RASSF3: variants seen among roughly 807,000 people sequenced by gnomAD.
The protein encoded by RASSF3 is ras association domain-containing protein 3.
In RASSF3, 19 loss-of-function variants were observed where a neutral mutation model predicts 19.9. The ratio of observed to expected loss-of-function variants is 0.96; its 90% CI spans 0.67 to 1.40. RASSF3 has a LOEUF of 1.40. Among genes scored for constraint, RASSF3 ranks in the 40% most tolerant of loss-of-function variants. The pLI is 0.00. For synonymous variants in RASSF3, 110 were observed against 104.2 expected, an observed-to-expected ratio of 1.06 and a Z score of -0.34; for missense variants, 306 against 289.8, an observed-to-expected ratio of 1.06 and a Z score of -0.41.
At chr12:64,602,164 T>TGGTG in intron 2 of RASSF3, among the ~76,000 whole-genome samples, 1 of 150,620 alleles carries the variant, frequency 6.6e-6, no homozygotes, top group Admixed American at 6.6e-5. Context: ...AGGCCAGGTG[T>TGGTG]GGTGGCTCAC....
At chr12:64,578,351 T>C (rs1244979283) in intron 2 of RASSF3, among the ~76,000 whole-genome samples, 1 of 151,794 alleles carries the variant, frequency 6.6e-6, no homozygotes, top group Non-Finnish European at 1.5e-5. Context: ...AGGTTATTGT[T>C]ATCATTTTAA....
At chr12:64,507,952 G>T (rs1473378579) in intron 1 of RASSF3, among the ~76,000 whole-genome samples, 1 of 152,126 alleles carries the variant, frequency 6.6e-6, no homozygotes, top group Non-Finnish European at 1.5e-5. Context: ...TCCAAGTCTG[G>T]TATCTGAAGT....
chr12:64,626,990 G>C (rs1338086873), intron 1 of RASSF3, among the ~76,000 whole-genome samples: 1 of 152,210 alleles, frequency 6.6e-6, no homozygotes. Context: ...AGCTCTGGGA[G>C]CTTGAGCAGG....
chr12:64,671,285 T>G (rs1232840716), intron 1 of RASSF3, among the ~76,000 whole-genome samples: 1 of 152,164 alleles, frequency 6.6e-6, no homozygotes, highest in Non-Finnish European at 1.5e-5. Flanking sequence ...CGAAGACTGA[T>G]CGGGGCTGGT....
intron 2 of RASSF3, among the ~76,000 whole-genome samples, chr12:64,605,312 G>C (rs767697206): frequency 2.6e-5 from 4 of 151,982 alleles, no homozygotes; most frequent in Non-Finnish European, 5.9e-5. Flanking sequence ...AGAAATTTTA[G>C]AACATATTTT....
At chr12:64,527,962 T>TA (rs1455164916) in intron 1 of RASSF3, among the ~76,000 whole-genome samples, 1 of 145,490 alleles carries the variant, frequency 6.9e-6, no homozygotes, top group African/African-American at 2.6e-5. Context: ...ATTTAAATTT[T>TA]AAAAAATTGA....
Position 64,656,428 on chromosome 12 carries a change from A to T in RASSF3, c.112-28359A>T, listed in dbSNP as rs1872161998. Reference sequence around the variant, plus strand: ...AATTGTATACTTATGGGTGAATTTTATGTTATGTGAGTTATATCTCAGTGA... The same window carrying T: ...AATTGTATACTTATGGGTGAATTTTTTGTTATGTGAGTTATATCTCAGTGA... On this transcript the variant is annotated intron_variant, in intron 1 of 4. Transcript: ENST00000542104. Among the ~76,000 whole-genome samples the T allele has an allele frequency of 2.0e-5, 3 of 152,160 alleles. No individual in the cohort carries two copies. In the South Asian group the frequency reaches 6.2e-4, roughly 31 times the overall value.
chr12:64,614,530 AT>A (rs988690735), intron 1 of RASSF3, among the ~76,000 whole-genome samples: 1 of 152,142 alleles, frequency 6.6e-6, no homozygotes, highest in Non-Finnish European at 1.5e-5. Context: ...TAGTGATTGT[AT>A]AAGGCCCACA....
chr12:64,563,785 T>G (rs1019161734), intron 2 of RASSF3, among the ~76,000 whole-genome samples: 1 of 152,236 alleles, frequency 6.6e-6, no homozygotes, highest in South Asian at 2.1e-4. Context: ...CATCTCTCAA[T>G]GAGGCCTTCC....
At chr12:64,529,456 T>C (rs1048338801), upstream of RASSF3, among the ~76,000 whole-genome samples, 2 of 152,168 alleles carry the variant, frequency 1.3e-5, no homozygotes, top group African/African-American at 4.8e-5. Context: ...TGTAAGTCCA[T>C]TCAATCAGAG....
chr12:64,519,420 T>C (rs1175491462), intron 1 of RASSF3, among the ~76,000 whole-genome samples: 9 of 151,974 alleles, frequency 5.9e-5, no homozygotes, highest in Non-Finnish European at 1.2e-4. Flanking sequence ...CGTATATATA[T>C]ATATACACTT....
chr12:64,622,685 T>G, intron 1 of RASSF3: 1 of 255,872 alleles, frequency 3.9e-6, no homozygotes. Flanking sequence ...AATTTTTTCT[T>G]TCAGAATCTT....
chr12:64,642,424 G>A (rs371111496), intron 1 of RASSF3, among the ~76,000 whole-genome samples: 66 of 151,754 alleles, frequency 4.3e-4, no homozygotes, highest in African/African-American at 1.5e-3. Context: ...GCTGGGCATG[G>A]TGGCGGGTGC....
At chr12:64,650,911 C>T (rs1484552356) in intron 1 of RASSF3, among the ~76,000 whole-genome samples, 2 of 152,164 alleles carry the variant, frequency 1.3e-5, no homozygotes, top group African/African-American at 2.4e-5. Context: ...TTGCTATAAA[C>T]TTTATGACTT....
intron 2 of RASSF3, among the ~76,000 whole-genome samples, chr12:64,567,693 G>A (rs116953120): frequency 6.6e-6 from 1 of 152,322 alleles, no homozygotes; most frequent in Non-Finnish European, 1.5e-5. Context: ...ATACACTTTG[G>A]AACTGCAACT....
At chr12:64,597,254 C>T (rs1466824147) in intron 2 of RASSF3, among the ~76,000 whole-genome samples, 1 of 149,706 alleles carries the variant, frequency 6.7e-6, no homozygotes, top group Admixed American at 6.7e-5. Context: ...TTCCTCAGCC[C>T]CTCGAGTAGC....
downstream of RASSF3, among the ~76,000 whole-genome samples, chr12:64,546,662 G>A (rs1869068906): frequency 6.6e-6 from 1 of 152,172 alleles, no homozygotes; most frequent in South Asian, 2.1e-4. Flanking sequence ...CTTTAAAGGT[G>A]ATGAATGATA....
chr12:64,670,925 G>A (rs1872682852), intron 1 of RASSF3, among the ~76,000 whole-genome samples: 1 of 152,072 alleles, frequency 6.6e-6, no homozygotes, highest in Admixed American at 6.5e-5. Flanking sequence ...CTAACTTTGT[G>A]TCCTCCGGCA....
At chr12:64,544,853 T>C, downstream of RASSF3, among the ~76,000 whole-genome samples, 1 of 152,230 alleles carries the variant, frequency 6.6e-6, no homozygotes, top group Non-Finnish European at 1.5e-5. Flanking sequence ...TACATGAGTT[T>C]GCCACTTGTT....
Sources: gnomAD v4.1 joint callset for allele counts (sites outside exome capture counted in the v4.1 genomes callset) on GRCh38, gnomAD v4.1.1 for gene constraint, MANE v1.5 for transcripts, NCBI Gene and HGNC (gene_info 2026-07-23, HGNC 2026-07-21) for gene names.